The following FAM184A variants were observed in gnomAD, a reference collection of about 807,000 sequenced individuals.
The protein encoded by FAM184A is family with sequence similarity 184 member A, also known as protein FAM184A.
FAM184A carries 99 observed loss-of-function variants against 143.8 expected under a neutral mutation model. The ratio of observed to expected loss-of-function variants is 0.69; its 90% CI spans 0.58 to 0.81. The LOEUF is 0.81. FAM184A is among the 40% of genes least tolerant of loss of function. The pLI, the probability that FAM184A is intolerant of heterozygous loss-of-function variation, is 0.00. For synonymous variants in FAM184A, 427 were observed against 446.4 expected (o/e 0.96, Z 0.55); for missense variants, 1,217 against 1,310.5 (o/e 0.93, Z 1.10).
At chr6:118,989,582 A>C (rs559505107) in intron 9 of FAM184A, among the ~76,000 whole-genome samples, 24 of 115,988 alleles carry the variant, frequency 2.1e-4, no homozygotes, top group African/African-American at 7.0e-4. Flanking sequence ...ATAACTTATT[A>C]AAGTTGCAAA....
chr6:119,019,394 G>T (rs190295637), intron 4 of FAM184A, among the ~76,000 whole-genome samples: 2 of 152,234 alleles, frequency 1.3e-5, no homozygotes, highest in African/African-American at 4.8e-5. Flanking sequence ...AGGAATGAAT[G>T]GAAGTAAGTA....
At chr6:119,052,541 T>C (rs968190835) in intron 1 of FAM184A, among the ~76,000 whole-genome samples, 8 of 152,180 alleles carry the variant, frequency 5.3e-5, no homozygotes, top group Non-Finnish European at 1.2e-4. Flanking sequence ...AAAGTGGTCA[T>C]CTCAAAACAT....
intron 1 of FAM184A, among the ~76,000 whole-genome samples, chr6:119,108,840 T>C (rs1788857445): frequency 6.6e-6 from 1 of 152,112 alleles, no homozygotes; most frequent in African/African-American, 2.4e-5. Context: ...GCCAATAATC[T>C]CCACGCTCCA....
chr6:118,998,585 A>C (rs1784645205), intron 9 of FAM184A, among the ~76,000 whole-genome samples: 1 of 152,248 alleles, frequency 6.6e-6, no homozygotes, highest in Non-Finnish European at 1.5e-5. Flanking sequence ...GTAAGTAAAG[A>C]AAGCTCTTTT....
chr6:119,015,883 G>A (rs1785231559), intron 5 of FAM184A, among the ~76,000 whole-genome samples: 1 of 152,212 alleles, frequency 6.6e-6, no homozygotes, highest in South Asian at 2.1e-4. Flanking sequence ...GTTTGTGAGT[G>A]CACCAATCGA....
chr6:119,040,839 C>T (rs1786300661), intron 1 of FAM184A, among the ~76,000 whole-genome samples: 1 of 152,094 alleles, frequency 6.6e-6, no homozygotes, highest in African/African-American at 2.4e-5. Context: ...AAGTTAGCAC[C>T]ACTTTAGGAG....
At chr6:119,020,379 A>G (rs2114681276) in intron 3 of FAM184A, among the ~76,000 whole-genome samples, 1 of 152,310 alleles carries the variant, frequency 6.6e-6, no homozygotes, top group African/African-American at 2.4e-5. Flanking sequence ...TCATTTTCAC[A>G]TGATTAATGT....
At chr6:119,010,721 T>A (rs997768648) in intron 6 of FAM184A, among the ~76,000 whole-genome samples, 6 of 152,190 alleles carry the variant, frequency 3.9e-5, no homozygotes, top group Non-Finnish European at 8.8e-5. Flanking sequence ...ACAACTTTGA[T>A]ATCATGTTCA....
intron 1 of FAM184A, among the ~76,000 whole-genome samples, chr6:119,114,150 A>G (rs112896355): frequency 2.6e-5 from 4 of 152,314 alleles, no homozygotes; most frequent in African/African-American, 9.6e-5. Context: ...CTTATCTGCC[A>G]TGAATAAGGG....
intron 14 of FAM184A, among the ~76,000 whole-genome samples, chr6:118,968,291 TATC>T (rs1295620938): frequency 6.6e-6 from 1 of 152,206 alleles, no homozygotes; most frequent in Non-Finnish European, 1.5e-5. Context: ...AAAAAAATCT[TATC>T]ATGCTTTAAG....
chr6:119,060,721 G>C (rs1218834124), intron 1 of FAM184A, among the ~76,000 whole-genome samples: 2 of 152,078 alleles, frequency 1.3e-5, no homozygotes, highest in East Asian at 3.9e-4. Flanking sequence ...TCCCCCTCTT[G>C]GTACTGAATA....
At chr6:119,052,467 TCTC>T (rs1156665309) in intron 1 of FAM184A, among the ~76,000 whole-genome samples, 1 of 152,176 alleles carries the variant, frequency 6.6e-6, no homozygotes, top group Non-Finnish European at 1.5e-5. Context: ...ATTGTAGTAG[TCTC>T]CTAACTGATC....
chr6:119,059,457 A>G (rs1390493787), intron 1 of FAM184A, among the ~76,000 whole-genome samples: 2 of 152,236 alleles, frequency 1.3e-5, no homozygotes, highest in Admixed American at 1.3e-4. Flanking sequence ...TTTGCCAATA[A>G]TAAACATCCA....
chr6:119,020,832 A>T (rs1316033470), intron 3 of FAM184A, among the ~76,000 whole-genome samples: 1 of 152,178 alleles, frequency 6.6e-6, no homozygotes, highest in Non-Finnish European at 1.5e-5. Flanking sequence ...CCTGCAACAT[A>T]GCGAGACCTC....
intron 1 of FAM184A, among the ~76,000 whole-genome samples, chr6:119,144,483 C>T (rs555076676): frequency 2.4e-4 from 36 of 152,322 alleles, no homozygotes; most frequent in Non-Finnish European, 4.9e-4. Context: ...CCCTTCACGC[C>T]GGCACACACT....
intron 4 of FAM184A, among the ~76,000 whole-genome samples, chr6:119,017,836 CAAT>C: frequency 6.6e-6 from 1 of 152,118 alleles, no homozygotes; most frequent in Non-Finnish European, 1.5e-5. Context: ...GCTGTCCTTG[CAAT>C]AATGAGTGAG....
At chr6:119,025,618 A>C (rs761650762) in intron 1 of FAM184A, 3 of 518,966 alleles carry the variant, frequency 5.8e-6, no homozygotes, top group South Asian at 4.2e-5. Context: ...AATTCCCTGC[A>C]CAGTAACACT....
At chr6:118,995,208 G>A (rs1020025785) in intron 9 of FAM184A, among the ~76,000 whole-genome samples, 1 of 152,090 alleles carries the variant, frequency 6.6e-6, no homozygotes, top group Non-Finnish European at 1.5e-5. Flanking sequence ...CTTGAGCCCA[G>A]GAGTTCGAGA....
chr6:118,987,664 G>A (rs1003813143), intron 9 of FAM184A, among the ~76,000 whole-genome samples: 2 of 151,924 alleles, frequency 1.3e-5, no homozygotes, highest in African/African-American at 4.8e-5. Context: ...TAACAATCCA[G>A]TACTTTTAAA....
Sources: allele counts gnomAD v4.1 joint callset (sites outside exome capture counted in the v4.1 genomes callset), GRCh38; gene constraint gnomAD v4.1.1; transcripts MANE v1.5; gene names NCBI Gene and HGNC (gene_info 2026-07-23, HGNC 2026-07-21).